The following NEGR1 variants were observed in gnomAD, a reference collection of about 807,000 sequenced individuals.
NEGR1 encodes neuronal growth regulator 1.
A neutral mutation model predicts 40.9 loss-of-function variants in NEGR1; 10 were observed. The ratio of observed to expected loss-of-function variants is 0.24; its 90% confidence interval spans 0.15 to 0.42. The LOEUF (loss-of-function observed/expected upper bound fraction) is 0.42. Ranked by LOEUF, NEGR1 falls within the 10% of genes least tolerant of loss-of-function variation. The probability of loss-of-function intolerance (pLI) is 1.00; values close to 1 mark genes in which losing one functional copy is unlikely to be tolerated. For synonymous variants in NEGR1, 185 were observed against 166.8 expected, an observed-to-expected ratio of 1.11 and a Z score of -0.84; for missense variants, 352 against 438.9, an observed-to-expected ratio of 0.80 and a Z score of 1.77.
At chr1:71,895,711 G>T (rs1471828889) in intron 2 of NEGR1, among the ~76,000 whole-genome samples, 1 of 152,056 alleles carries the variant, frequency 6.6e-6, no homozygotes. Flanking sequence ...TGAACACTTG[G>T]ATTGTTTTCA....
chr1:72,049,637 T>C (rs938999606), intron 1 of NEGR1, among the ~76,000 whole-genome samples: 1 of 151,102 alleles, frequency 6.6e-6, no homozygotes, highest in African/African-American at 2.4e-5. Context: ...CCCATTGTCA[T>C]TGTACACATT....
intron 1 of NEGR1, among the ~76,000 whole-genome samples, chr1:72,281,719 GA>G (rs929203169): frequency 6.6e-6 from 1 of 151,582 alleles, no homozygotes; most frequent in Non-Finnish European, 1.5e-5. Flanking sequence ...AAAAAGGAGG[GA>G]AAAAACAGAA....
intron 1 of NEGR1, among the ~76,000 whole-genome samples, chr1:71,975,649 A>G (rs1646295863): frequency 6.6e-6 from 1 of 152,312 alleles, no homozygotes; most frequent in Non-Finnish European, 1.5e-5. Flanking sequence ...TAATCTGTAG[A>G]GTAAAAAATA....
chr1:71,435,299 A>G (rs1646501603), intron 6 of NEGR1, among the ~76,000 whole-genome samples: 1 of 152,156 alleles, frequency 6.6e-6, no homozygotes, highest in Non-Finnish European at 1.5e-5. Flanking sequence ...TTACGTGACA[A>G]TTGGCAAAAG....
At chr1:72,272,976 A>C (rs1488142370) in intron 1 of NEGR1, among the ~76,000 whole-genome samples, 2 of 152,116 alleles carry the variant, frequency 1.3e-5, no homozygotes, top group Admixed American at 6.6e-5. Context: ...AAAGTGATTA[A>C]GAGACCAATT....
At position 72,117,172 on chromosome 1, in the gene NEGR1, C is replaced by A. The variant is rs549675870; in HGVS notation, c.176+165147G>T. 3.9e-5 allele frequency among the ~76,000 whole-genome samples: 6 copies of A among 151,922 alleles called. No homozygotes were observed. The South Asian group carries it at 8.3e-4, about 21-fold the overall frequency. On this transcript the variant is annotated intron_variant, in intron 1 of 6. Transcript: ENST00000357731. ...TAATACATGTTAAAATACAGTGGAG[C>A]AACAATGGTCCATTCTTCTCATATA...
rs532967288 is a variant in NEGR1, at chr1:71,730,512, T to C, written c.536-32373A>G. The stretch of plus-strand genomic sequence containing the variant: ...TACTATCATAATTTTATTGAATATA[T>C]ATGTTTTATATATATAATTTGACTT... On this transcript the variant is annotated intron_variant, in intron 3 of 6. Transcript: ENST00000357731. Among the ~76,000 whole-genome samples, 4 of 148,080 alleles carry C rather than the reference T, an allele frequency of 2.7e-5. No individual in the cohort carries two copies. The East Asian group carries it at 5.9e-4, about 22-fold the overall frequency.
chr1:71,778,233 T>C (rs1656579572), intron 2 of NEGR1, among the ~76,000 whole-genome samples: 1 of 152,012 alleles, frequency 6.6e-6, no homozygotes, highest in African/African-American at 2.4e-5. Context: ...TGACTTACAA[T>C]GGTTCAATTA....
At chr1:72,136,575 T>A (rs1249982259) in intron 1 of NEGR1, among the ~76,000 whole-genome samples, 1 of 150,040 alleles carries the variant, frequency 6.7e-6, no homozygotes, top group East Asian at 2.0e-4. Context: ...TATAAAGCTA[T>A]TACTCCACAG....
intron 3 of NEGR1, among the ~76,000 whole-genome samples, chr1:71,719,757 C>T (rs2101651937): frequency 6.6e-6 from 1 of 152,160 alleles, no homozygotes; most frequent in East Asian, 1.9e-4. Flanking sequence ...GGTATTTCTC[C>T]TAATGCTATC....
intron 6 of NEGR1, among the ~76,000 whole-genome samples, chr1:71,525,933 T>C (rs1647211118): frequency 6.6e-6 from 1 of 151,616 alleles, no homozygotes; most frequent in Admixed American, 6.6e-5. Context: ...ATATCTTTAG[T>C]GGCATGTTAC....
At chr1:71,557,394 G>C (rs1321512195) in intron 6 of NEGR1, among the ~76,000 whole-genome samples, 1 of 151,584 alleles carries the variant, frequency 6.6e-6, no homozygotes, top group Non-Finnish European at 1.5e-5. Context: ...GGAAGTGTGG[G>C]AGAAGAAGGA....
At chr1:71,538,549 G>A (rs1468023792) in intron 6 of NEGR1, among the ~76,000 whole-genome samples, 2 of 151,616 alleles carry the variant, frequency 1.3e-5, no homozygotes, top group Admixed American at 6.6e-5. Flanking sequence ...ATGAGAGTGG[G>A]TTGCCCTGGA....
intron 6 of NEGR1, among the ~76,000 whole-genome samples, chr1:71,518,019 AG>A: frequency 2.0e-4 from 1 of 4,984 alleles, no homozygotes; most frequent in Non-Finnish European, 4.0e-4. Context: ...CCAACTTACA[AG>A]GGACGTGAAG....
At chr1:71,717,440 C>G (rs148680860) in intron 3 of NEGR1, among the ~76,000 whole-genome samples, 286 of 152,180 alleles carry the variant, frequency 1.9e-3, no homozygotes, top group Non-Finnish European at 3.2e-3. Context: ...CATTCCTTTT[C>G]TGCCTTGTGA....
intron 4 of NEGR1, among the ~76,000 whole-genome samples, chr1:71,681,907 A>T (rs934233269): frequency 1.3e-5 from 2 of 152,076 alleles, no homozygotes; most frequent in African/African-American, 4.8e-5. Context: ...GCTCACTGCA[A>T]CTTTCACCTC....
chr1:72,015,084 T>C (rs922484101), intron 1 of NEGR1, among the ~76,000 whole-genome samples: 3 of 147,486 alleles, frequency 2.0e-5, no homozygotes, highest in Non-Finnish European at 4.5e-5. Context: ...TTATTACTGA[T>C]ATTCAGAAAA....
chr1:72,041,585 A>G (rs1646954603), intron 1 of NEGR1, among the ~76,000 whole-genome samples: 1 of 151,108 alleles, frequency 6.6e-6, no homozygotes. Context: ...ATGTGGTAGT[A>G]CTTTCAAGAG....
At chr1:72,020,870 C>G (rs889240834) in intron 1 of NEGR1, among the ~76,000 whole-genome samples, 1 of 152,112 alleles carries the variant, frequency 6.6e-6, no homozygotes, top group African/African-American at 2.4e-5. Context: ...GATGTCAACA[C>G]AACACTTTTG....
Sources: allele counts gnomAD v4.1 joint callset (sites outside exome capture counted in the v4.1 genomes callset), GRCh38; gene constraint gnomAD v4.1.1; transcripts MANE v1.5; gene names NCBI Gene and HGNC (gene_info 2026-07-23, HGNC 2026-07-21).